TMEM178B: variants seen among roughly 807,000 people sequenced by gnomAD.
TMEM178B encodes the protein transmembrane protein 178B.
A neutral mutation model predicts 31.0 loss-of-function variants in TMEM178B; 5 were observed. The observed-to-expected ratio is 0.16, with a 90% CI of 0.08 to 0.34. The LOEUF (loss-of-function observed/expected upper bound fraction) is 0.34. Among genes scored for constraint, TMEM178B ranks in the 10% least tolerant of loss-of-function variants. The probability of loss-of-function intolerance (pLI) is 1.00; values close to 1 mark genes in which losing one functional copy is unlikely to be tolerated. For synonymous variants in TMEM178B, 164 were observed against 164.0 expected (o/e 1.00, Z 0.00); for missense variants, 275 against 400.3 (o/e 0.69, Z 2.67).
intron 3 of TMEM178B, among the ~76,000 whole-genome samples, chr7:141,466,829 A>T (rs1463437105): frequency 6.6e-5 from 10 of 152,196 alleles, no homozygotes; most frequent in Non-Finnish European, 1.3e-4. Flanking sequence ...TTAGTAAATT[A>T]TAGCATTACA....
intron 2 of TMEM178B, among the ~76,000 whole-genome samples, chr7:141,397,028 C>T (rs1484161161): frequency 1.3e-5 from 2 of 152,100 alleles, no homozygotes; most frequent in African/African-American, 4.8e-5. Context: ...AGGAGGGAAA[C>T]GAGATGTGGG....
chr7:141,303,330 G>A (rs1425103259), intron 2 of TMEM178B, among the ~76,000 whole-genome samples: 1 of 152,156 alleles, frequency 6.6e-6, no homozygotes, highest in Admixed American at 6.5e-5. Flanking sequence ...TACCATGTTT[G>A]CAGCATCTTC....
intron 1 of TMEM178B, chr7:141,173,012 T>C (rs1037223237): frequency 5.3e-5 from 8 of 152,220 alleles, no homozygotes; most frequent in Admixed American, 5.2e-4. Flanking sequence ...TGCTGAGTAT[T>C]ATACTTGGCT....
the TMEM178B span, among the ~76,000 whole-genome samples, chr7:141,491,483 A>AT: frequency 6.6e-6 from 1 of 152,156 alleles, no homozygotes; most frequent in African/African-American, 2.4e-5. Flanking sequence ...TTAAAGACAT[A>AT]TTTTTATTGA....
chr7:141,286,467 G>C (rs1798449970), intron 2 of TMEM178B, among the ~76,000 whole-genome samples: 1 of 152,154 alleles, frequency 6.6e-6, no homozygotes, highest in African/African-American at 2.4e-5. Context: ...TTTAGAGATG[G>C]TATGGTAACT....
rs112110572 is a variant in TMEM178B, at chr7:141,391,346, A to G, written c.497-46262A>G. ...ACGCCCGGCTGATTTTTGTATTTTT[A>G]GTAGAGACGGGTTTTCACCATGTTG... On this transcript the variant is annotated intron_variant, in intron 2 of 3. Coordinates refer to ENST00000565468, the MANE Select transcript of TMEM178B (RefSeq NM_001195278.2). Among the ~76,000 whole-genome samples, 1,395 of 152,128 alleles carry G rather than the reference A, an allele frequency of 9.2e-3. 27 individuals are homozygous for G. The highest frequency in any genetic ancestry group is 0.031 in the African/African-American group (1,266 of 41,504).
At chr7:141,285,707 T>C (rs769938136) in intron 2 of TMEM178B, among the ~76,000 whole-genome samples, 102 of 152,194 alleles carry the variant, frequency 6.7e-4, no homozygotes, top group Non-Finnish European at 1.1e-3. Context: ...AGCCCATCAA[T>C]GATAGATTGG....
chr7:141,179,528 T>C (rs1366652770), intron 1 of TMEM178B, among the ~76,000 whole-genome samples: 1 of 152,212 alleles, frequency 6.6e-6, no homozygotes, highest in African/African-American at 2.4e-5. Flanking sequence ...TTATTGATTT[T>C]TTTTTCCCTG....
intron 2 of TMEM178B, among the ~76,000 whole-genome samples, chr7:141,273,313 G>C (rs1030508453): frequency 1.3e-5 from 2 of 152,146 alleles, no homozygotes; most frequent in African/African-American, 4.8e-5. Context: ...AGCATAAGTG[G>C]TAATGGATGT....
At chr7:141,319,128 G>A (rs764232441) in intron 2 of TMEM178B, among the ~76,000 whole-genome samples, 73 of 152,220 alleles carry the variant, frequency 4.8e-4, no homozygotes, top group Non-Finnish European at 9.1e-4. Context: ...ACTGTATTTA[G>A]AACAAGAGTA....
chr7:141,303,525 T>G (rs1328779697), intron 2 of TMEM178B, among the ~76,000 whole-genome samples: 2 of 152,228 alleles, frequency 1.3e-5, no homozygotes, highest in African/African-American at 4.8e-5. Context: ...CCTGACGAGC[T>G]GCGTGCTCAT....
At chr7:141,263,006 G>A (rs1340354793) in intron 2 of TMEM178B, among the ~76,000 whole-genome samples, 1 of 152,002 alleles carries the variant, frequency 6.6e-6, no homozygotes, top group Non-Finnish European at 1.5e-5. Context: ...GTATCCAAAT[G>A]CTGACATTTC....
At chr7:141,283,450 A>G (rs1013028711) in intron 2 of TMEM178B, among the ~76,000 whole-genome samples, 1 of 152,106 alleles carries the variant, frequency 6.6e-6, no homozygotes. Context: ...AACATTTACC[A>G]TCCTGTGTCC....
At chr7:141,127,020 A>G (rs1430354307) in intron 1 of TMEM178B, among the ~76,000 whole-genome samples, 1 of 152,110 alleles carries the variant, frequency 6.6e-6, no homozygotes, top group South Asian at 2.1e-4. Flanking sequence ...CCCTGTGTAT[A>G]GCTGACCTTC....
intron 2 of TMEM178B, among the ~76,000 whole-genome samples, chr7:141,381,734 T>A (rs1800319389): frequency 6.6e-6 from 1 of 152,244 alleles, no homozygotes; most frequent in Non-Finnish European, 1.5e-5. Context: ...GCGACTTTTA[T>A]GTCTTAGGAC....
intron 1 of TMEM178B, among the ~76,000 whole-genome samples, chr7:141,199,537 G>A (rs764406848): frequency 6.6e-5 from 10 of 152,178 alleles, no homozygotes; most frequent in East Asian, 5.8e-4. Context: ...TTTATTCCTC[G>A]CTTATTTTCT....
At chr7:141,146,278 C>T (rs1422253335) in intron 1 of TMEM178B, among the ~76,000 whole-genome samples, 1 of 152,324 alleles carries the variant, frequency 6.6e-6, no homozygotes, top group Non-Finnish European at 1.5e-5. Context: ...CCCCAGAGGG[C>T]CTGTTACTTC....
At chr7:141,289,725 A>AAG (rs953470544) in intron 2 of TMEM178B, among the ~76,000 whole-genome samples, 3 of 151,546 alleles carry the variant, frequency 2.0e-5, no homozygotes, top group African/African-American at 7.3e-5. Flanking sequence ...AAAAAAAAAA[A>AAG]AAAAAAGAAA....
In TMEM178B at chr7:141,478,148, G is replaced by A. The variant is rs968294276; in HGVS notation, c.*7362G>A. The A allele has an allele frequency of 5.9e-5, 9 of 153,102 alleles. No individual in the cohort carries two copies. The highest frequency in any genetic ancestry group is 1.9e-4 in the African/African-American group (8 of 41,464). The allele number at this position is 153,102 out of a possible 1,614,324, so 9.5% of individuals were successfully genotyped here. ...AGGCAGTGGTGGCGTGGAGGCAGTA[G>A]GCAGAAGATGTGGGTTGGGAGCAGA... is the stretch of plus-strand genomic sequence containing the variant. On this transcript the variant is annotated 3_prime_UTR_variant, in exon 4 of 4. Coordinates refer to ENST00000565468, the MANE Select transcript of TMEM178B (RefSeq NM_001195278.2).
Sources: allele counts gnomAD v4.1 joint callset (sites outside exome capture counted in the v4.1 genomes callset), GRCh38; gene constraint gnomAD v4.1.1; transcripts MANE v1.5; gene names NCBI Gene and HGNC (gene_info 2026-07-23, HGNC 2026-07-21).